The following PMS2 variants were observed in gnomAD, a reference collection of about 807,000 sequenced individuals.
PMS2 encodes PMS1 homolog 2, mismatch repair system component.
A neutral mutation model predicts 90.0 loss-of-function variants in PMS2; 69 were observed. That is an observed-to-expected ratio of 0.77 (90% CI 0.63 to 0.94). The LOEUF (loss-of-function observed/expected upper bound fraction) is 0.94. PMS2 is among the 40% of genes least tolerant of loss of function. PMS2 has a pLI of 0.00. For synonymous variants in PMS2, 332 were observed against 375.1 expected (o/e 0.89, Z 1.33); for missense variants, 966 against 1,040.2 (o/e 0.93, Z 0.98).
chr7:6,005,954 C>T lies in PMS2; in HGVS notation c.101G>A (p.Ser34Asn), dbSNP rs370612538. Residue 34 changes from serine (S) to asparagine (N), a missense_variant, in exon 2 of 15, where the codon AGT becomes AAT. By Grantham distance (46) the Ser-to-Asn change is conservative (BLOSUM62 1). Coordinates refer to ENST00000265849, the MANE Select transcript of PMS2 (RefSeq NM_000535.7). ...TAACTCCTTTACCGCAGTGCTTAGA[C>T]TCAGTACCACCTGCCCAGAGCAAAT... Reference protein sequence around the residue: ...HQICSGQVVLSLSTAVKELVE... With the variant: ...HQICSGQVVLNLSTAVKELVE... 1 of 1,610,836 alleles carries T rather than the reference C, an allele frequency of 6.2e-7. No homozygotes were observed. Among genetic ancestry groups the T allele is most frequent in the South Asian group, 1.1e-5 (1 of 90,994 alleles).
intron 5 of PMS2, among the ~76,000 whole-genome samples, chr7:6,001,593 T>C (rs1021912686): frequency 2.0e-5 from 3 of 152,088 alleles, no homozygotes; most frequent in East Asian, 3.9e-4. Context: ...ATGGCTTTGA[T>C]CTCTTGACCT....
At chr7:5,994,018 T>C (rs1166439024) in intron 8 of PMS2, among the ~76,000 whole-genome samples, 3 of 152,118 alleles carry the variant, frequency 2.0e-5, no homozygotes, top group African/African-American at 7.2e-5. Flanking sequence ...TATATATTTA[T>C]GTATCTATAC....
chr7:5,981,370 G>A (rs1471554991), intron 12 of PMS2, among the ~76,000 whole-genome samples: 7 of 149,790 alleles, frequency 4.7e-5, no homozygotes, highest in East Asian at 2.0e-4. Context: ...TCAGCCTCCC[G>A]AATAGCTGGG....
rs767551713 is a variant in PMS2 at position 5,997,315 on chromosome 7, A to C, written c.803+11T>G. On this transcript the variant is annotated intron_variant, in intron 7 of 14. Coordinates refer to ENST00000265849, the MANE Select transcript of PMS2 (RefSeq NM_000535.7). The stretch of plus-strand genomic sequence containing the variant: ...GTTCAATTGTAGTTCTCTTGCCAGC[A>C]ATCTACTTACTAAAAAAGATTATGC... 7.7e-7 allele frequency: 1 copy of C among 1,303,838 alleles called. No homozygotes were observed. Among genetic ancestry groups the C allele is most frequent in the African/African-American group, 1.5e-5 (1 of 68,722 alleles). The allele number at this position is 1,303,838 out of a possible 1,614,324, so 80.8% of individuals were successfully genotyped here.
intron 10 of PMS2, 78 bp from the exon 11 acceptor site, chr7:5,987,698 T>C (rs2128738428): frequency 3.1e-6 from 3 of 954,726 alleles, no homozygotes; most frequent in Admixed American, 3.5e-5. Context: ...GAACAGATAC[T>C]TCACAAAAGA....
chr7:6,007,293 T>A (rs978925708), intron 1 of PMS2, among the ~76,000 whole-genome samples: 1 of 152,040 alleles, frequency 6.6e-6, no homozygotes, highest in African/African-American at 2.4e-5. Flanking sequence ...TTTTTGTGTT[T>A]TTAGAAGAGA....
In PMS2 at chr7:5,980,877, CCACAGGAGAGTACTCAGCAAACTA is replaced by C. The variant is rs1311776471; in HGVS notation, c.2174+1923_2174+1946del. Among the ~76,000 whole-genome samples the C allele has an allele frequency of 2.9e-4, 43 of 150,770 alleles. 1 individual carries two copies. Among genetic ancestry groups the C allele is most frequent in the African/African-American group, 9.8e-4 (40 of 40,636 alleles). ...TGAGAATAAAAACAATTCACGCATTCCACAGGAGAGTACTCAGCAAACTACACAGGAGAGTACTCAGCAAACTAC... is the reference window on the plus strand; with the variant it reads ...TGAGAATAAAAACAATTCACGCATTCCACAGGAGAGTACTCAGCAAACTAC... On this transcript the variant is annotated intron_variant, in intron 12 of 14. Transcript: ENST00000265849.
At position 5,987,537 on chromosome 7, in the gene PMS2, C is replaced by T. The variant is rs1358586679; in HGVS notation, c.1228G>A (p.Glu410Lys). The T allele has an allele frequency of 1.9e-6, 3 of 1,613,956 alleles. No individual in the cohort carries two copies. Among genetic ancestry groups the T allele is most frequent in the Non-Finnish European group, 1.7e-6 (2 of 1,179,948 alleles). Reference sequence around the variant, plus strand: ...GAAATGGACACGTCTTTTTTTTCTTCTCCAGTCCTTAATGAAGGGGATTGA... The same window carrying T: ...GAAATGGACACGTCTTTTTTTTCTTTTCCAGTCCTTAATGAAGGGGATTGA... The part of the protein sequence containing the change: ...QDQSPSLRTG[E>K]EKKDVSISRL... Residue 410 changes from glutamate to lysine, a missense_variant, in exon 11 of 15, where the codon GAA becomes AAA. Around this residue, in one of 2 missense-constraint regions of PMS2, gnomAD observed 871 missense variants for 802.4 expected, o/e 1.09. Coordinates refer to ENST00000265849, the MANE Select transcript of PMS2 (RefSeq NM_000535.7).
chr7:5,988,317 G>A (rs186514468), intron 10 of PMS2, among the ~76,000 whole-genome samples: 54 of 152,082 alleles, frequency 3.6e-4, no homozygotes, highest in African/African-American at 1.1e-3. Context: ...AGTGGCTCAC[G>A]CCTGTAATCC....
rs1209022308 is a variant in PMS2, at chr7:6,009,047, A to C, written c.-28T>G. On this transcript the variant is annotated 5_prime_UTR_variant, in exon 1 of 15. Coordinates refer to ENST00000265849, the MANE Select transcript of PMS2 (RefSeq NM_000535.7). Reference sequence around the variant, plus strand: ...ATGCAACACCCGATCCGCCTCGGGGACTGGGAAAGTTCCCTCCAGGGCTCC... The same window carrying C: ...ATGCAACACCCGATCCGCCTCGGGGCCTGGGAAAGTTCCCTCCAGGGCTCC... The C allele has an allele frequency of 1.2e-6, 2 of 1,612,148 alleles. No homozygotes were observed. The highest frequency in any genetic ancestry group is 2.2e-5 in the East Asian group (1 of 44,878).
intron 8 of PMS2, 55 bp from the exon 9 acceptor site, chr7:5,992,112 CG>C (rs1238716997): frequency 1.1e-5 from 10 of 906,946 alleles, no homozygotes; most frequent in Non-Finnish European, 1.8e-5. Flanking sequence ...CCCAGCCCCC[CG>C]CATTCTAACA....
intron 12 of PMS2, among the ~76,000 whole-genome samples, chr7:5,979,109 T>A (rs1482277329): frequency 6.9e-6 from 1 of 144,536 alleles, no homozygotes; most frequent in Non-Finnish European, 1.5e-5. Flanking sequence ...GGCATGAGAT[T>A]CGTTTGAACC....
In PMS2 at chr7:5,987,298, C is replaced by T. The variant is rs542522853; in HGVS notation, c.1467G>A (p.Glu489=). ...TGCCGTGCCCCGAGTCCTTCTCCAC[C>T]TCCGCTCTGTCCGTAGGGTCACTGG... ...HGPSDPTDRA[E]VEKDSGHGST... Residue 489 remains glutamate (E), a synonymous_variant, in exon 11 of 15, where the codon GAG becomes GAA. Coordinates refer to ENST00000265849, the MANE Select transcript of PMS2 (RefSeq NM_000535.7). 350 of 1,614,078 alleles carry T rather than the reference C, an allele frequency of 2.2e-4. No homozygotes were observed. Among genetic ancestry groups the T allele is most frequent in the Non-Finnish European group, 2.9e-4 (338 of 1,180,054 alleles).
At chr7:6,007,328 C>G (rs1432121968) in intron 1 of PMS2, among the ~76,000 whole-genome samples, 5 of 152,066 alleles carry the variant, frequency 3.3e-5, no homozygotes, top group African/African-American at 1.2e-4. Context: ...GTTGGCCAGG[C>G]TGGTCTCGAA....
chr7:5,984,834 C>T (rs1456737123), intron 11 of PMS2, among the ~76,000 whole-genome samples: 2 of 151,572 alleles, frequency 1.3e-5, no homozygotes, highest in Non-Finnish European at 2.9e-5. Flanking sequence ...TATAAGTGCT[C>T]CAGGAAGACC....
At chr7:5,983,058 A>G (rs1365387686) in intron 11 of PMS2, 67 bp from the exon 12 acceptor site, 2 of 1,560,104 alleles carry the variant, frequency 1.3e-6, no homozygotes, top group Non-Finnish European at 1.7e-6. Flanking sequence ...GTTATAGAAC[A>G]CTGTAATAAA....
chr7:5,995,442 A>C, intron 8 of PMS2, 92 bp downstream of exon 8: 1 of 790,012 alleles, frequency 1.3e-6, no homozygotes, highest in Admixed American at 1.8e-5. Context: ...CAAAGTCCCG[A>C]GCTCCACGTA....
At chr7:5,994,662 G>C (rs12540010) in intron 8 of PMS2, among the ~76,000 whole-genome samples, 8,471 of 151,644 alleles carry the variant, frequency 0.056, 546 homozygotes, top group East Asian at 0.34. Context: ...TGTAGTCCCA[G>C]CTACTCGGGA....
At chr7:6,001,093 A>T (rs1785037977) in intron 5 of PMS2, among the ~76,000 whole-genome samples, 1 of 152,222 alleles carries the variant, frequency 6.6e-6, no homozygotes. Flanking sequence ...AAAAACACAC[A>T]TACAAAATGG....
Sources: allele counts gnomAD v4.1 joint callset (sites outside exome capture counted in the v4.1 genomes callset), GRCh38; gene constraint gnomAD v4.1.1; regional missense constraint gnomAD v4.1.1; transcripts MANE v1.5; gene names NCBI Gene and HGNC (gene_info 2026-07-23, HGNC 2026-07-21).